The following MYRF variants were observed in gnomAD, a reference collection of about 807,000 sequenced individuals.
MYRF encodes myelin gene regulatory factor.
Under a neutral mutation model 126.3 loss-of-function variants are expected in MYRF, and 16 were observed. That is an observed-to-expected ratio of 0.13 (90% CI 0.09 to 0.19). The LOEUF (loss-of-function observed/expected upper bound fraction) is 0.19. Among genes scored for constraint, MYRF ranks in the 10% least tolerant of loss-of-function variants. MYRF has a pLI of 1.00. For missense variants in MYRF, 1,104 were observed against 1,547.0 expected (o/e 0.71, Z 4.80); for synonymous variants, 608 against 635.3 (o/e 0.96, Z 0.65).
intron 1 of MYRF, among the ~76,000 whole-genome samples, chr11:61,758,964 GTGTA>G (rs983147515): frequency 6.6e-6 from 1 of 152,246 alleles, no homozygotes; most frequent in Non-Finnish European, 1.5e-5. Context: ...TGTCAGTACT[GTGTA>G]TGTGTGAGTA....
chr11:61,769,443 C>T, intron 4 of MYRF, 122 bp downstream of exon 4: 2 of 737,862 alleles, frequency 2.7e-6, no homozygotes, highest in South Asian at 3.2e-5. Flanking sequence ...GAGATTATCG[C>T]TGGTCAAATA....
In MYRF at chr11:61,774,099, C is replaced by T. The variant is rs139188067; in HGVS notation, c.1248C>T (p.Tyr416=). 468 of 1,613,812 alleles carry T rather than the reference C, an allele frequency of 2.9e-4. No individual in the cohort carries two copies. The highest frequency in any genetic ancestry group is 3.7e-4 in the Non-Finnish European group (435 of 1,179,934). ...TCGGCATGCTGGGCGAGCCCAAGTA[C>T]GTCAAGACGCCCGAGGGCCTCAAGC... ...VYIGMLGEPK[Y]VKTPEGLKPL... is the part of the protein sequence containing the mutation. The change falls in exon 8 of 27, where the codon TAC becomes TAT. Residue 416 remains tyrosine, a synonymous_variant. Coordinates refer to ENST00000278836, the MANE Select transcript of MYRF (RefSeq NM_001127392.3).
Position 61,761,261 on chromosome 11 carries a change from G to GC in MYRF, c.47-4364_47-4363insC, listed in dbSNP as rs574113662. ...ACTCAGCCAACGGCCACAGCTGGTG[G>GC]GGGGGGGGGCACATAAGCACAAGGA... is the stretch of plus-strand genomic sequence containing the variant. On this transcript the variant is annotated intron_variant, in intron 1 of 26. Transcript: ENST00000278836. 5.4e-4 allele frequency among the ~76,000 whole-genome samples: 65 copies of GC among 120,922 alleles called. 2 individuals carry two copies. Among genetic ancestry groups the GC allele is most frequent in the Admixed American group, 2.3e-3 (28 of 12,020 alleles). 79.3% of individuals were successfully genotyped at this position (120,922 alleles called of 152,430 possible).
chr11:61,769,347 T>C (rs997325859), intron 4 of MYRF, 26 bp downstream of exon 4: 8 of 1,593,426 alleles, frequency 5.0e-6, no homozygotes, highest in Non-Finnish European at 6.9e-6. Flanking sequence ...ACCGCCCTCC[T>C]GCTCCAGGGT....
intron 22 of MYRF, 96 bp downstream of exon 22, chr11:61,781,920 A>C: frequency 7.2e-7 from 1 of 1,393,072 alleles, no homozygotes; most frequent in Non-Finnish European, 9.4e-7. Flanking sequence ...CTGGGTTCAG[A>C]CTTGTCAGTC....
chr11:61,781,101 GGGCTTCTCT>G, intron 20 of MYRF, 28 bp from the exon 21 acceptor site: 1 of 1,611,662 alleles, frequency 6.2e-7, no homozygotes, highest in Non-Finnish European at 8.5e-7. Context: ...TCTGTCTTTG[GGGCTTCTCT>G]GGCTCATACA....
Position 61,777,510 on chromosome 11 carries a change from G to C in MYRF, c.1791+46G>C. ...GCCGGGCGGGTCCAGACGCTGGAGCGGGCCGCGGGGGCGGGGCTCCTGGGG... is the reference window on the plus strand; with the variant it reads ...GCCGGGCGGGTCCAGACGCTGGAGCCGGCCGCGGGGGCGGGGCTCCTGGGG... On this transcript the variant is annotated intron_variant, in intron 12 of 26. Coordinates refer to ENST00000278836, the MANE Select transcript of MYRF (RefSeq NM_001127392.3). The surrounding 1 kb of genome is among the most constrained non-coding windows in gnomAD (Gnocchi z 8.8). The C allele has an allele frequency of 1.3e-6, 2 of 1,529,136 alleles. No homozygotes were observed. Among genetic ancestry groups the C allele is most frequent in the East Asian group, 2.5e-5 (1 of 40,696 alleles). The allele number at this position is 1,529,136 out of a possible 1,614,324, so 94.7% of individuals were successfully genotyped here. A position where few individuals can be genotyped will look rare whatever the true frequency, so the allele number is the denominator to read the frequency against.
chr11:61,757,081 A>C lies in MYRF; in HGVS notation c.46+4291A>C. ...CCGCCCTACCCAGGCAGCCTGCCTT[A>C]CCTTCCCACCTTCCTCTTCACGGAC... is the stretch of plus-strand genomic sequence containing the variant. On this transcript the variant is annotated intron_variant, in intron 1 of 26. Transcript: ENST00000278836. This position sits in a 1 kb window ranked among gnomAD's most constrained non-coding sequence, Gnocchi z 4.7. 1 of 436,122 alleles carries C rather than the reference A, an allele frequency of 2.3e-6. No homozygotes were observed. Among genetic ancestry groups the C allele is most frequent in the Non-Finnish European group, 4.7e-6 (1 of 212,276 alleles). The allele number at this position is 436,122 out of a possible 1,614,324, so 27.0% of individuals were successfully genotyped here.
chr11:61,772,530 G>T (rs2066256828), intron 7 of MYRF, among the ~76,000 whole-genome samples: 2 of 152,234 alleles, frequency 1.3e-5, no homozygotes, highest in Non-Finnish European at 1.5e-5. Flanking sequence ...CATGGAGTTG[G>T]GTGCTCCAGG....
At chr11:61,765,746 C>G (rs2066037534) in intron 2 of MYRF, 34 bp downstream of exon 2, 2 of 1,583,436 alleles carry the variant, frequency 1.3e-6, no homozygotes, top group East Asian at 4.6e-5. Context: ...TGCACCCGCC[C>G]AGCCCCAGCC....
Position 61,752,740 on chromosome 11 carries a change from G to A in MYRF, c.-5G>A. The stretch of plus-strand genomic sequence containing the variant: ...CGGCTGGAGTGTGCGCCGGGCAGGC[G>A]GGACATGGAGGTGGTGGACGAGACG... On this transcript the variant is annotated 5_prime_UTR_variant, in exon 1 of 27. Transcript: ENST00000278836. The A allele has an allele frequency of 1.4e-6, 2 of 1,460,132 alleles. No individual in the cohort carries two copies. Among genetic ancestry groups the A allele is most frequent in the Non-Finnish European group, 9.0e-7 (1 of 1,110,698 alleles). The allele number at this position is 1,460,132 out of a possible 1,614,324, so 90.4% of individuals were successfully genotyped here.
In MYRF at chr11:61,777,393, C is replaced by T. The variant is rs1266701580; in HGVS notation, c.1720C>T (p.His574Tyr). ...TDRPDEALVV[H>Y]GNVKVMGSLM... ...CCGGCCGGATGAGGCGCTGGTTGTG[C>T]ACGGGAATGTCAAGGTCATGGGCTC... is the stretch of plus-strand genomic sequence containing the variant. Residue 574 changes from histidine to tyrosine, a missense_variant, in exon 12 of 27, where the codon CAC becomes TAC. Transcript: ENST00000278836. The surrounding 1 kb of genome is among the most constrained non-coding windows in gnomAD (Gnocchi z 8.8). 6.2e-7 allele frequency: 1 copy of T among 1,613,906 alleles called. No individual in the cohort carries two copies. Among genetic ancestry groups the T allele is most frequent in the Non-Finnish European group, 8.5e-7 (1 of 1,180,016 alleles).
rs928434014 is a variant in MYRF at position 61,771,968 on chromosome 11, C to T, written c.1115+16C>T. On this transcript the variant is annotated intron_variant, in intron 7 of 26. Coordinates refer to ENST00000278836, the MANE Select transcript of MYRF (RefSeq NM_001127392.3). Reference sequence around the variant, plus strand: ...ACAAGGAGCTGTGAGTGCCCTACAACACTCCCCACTCCTCCAGGCCCCCCC... The same window carrying T: ...ACAAGGAGCTGTGAGTGCCCTACAATACTCCCCACTCCTCCAGGCCCCCCC... The T allele has an allele frequency of 3.1e-6, 5 of 1,613,212 alleles. No homozygotes were observed. The African/African-American group carries it at 5.3e-5, about 17-fold the overall frequency.
rs2066615453 is a variant in MYRF at position 61,783,719 on chromosome 11, C to A, written c.3119+119C>A. Reference sequence around the variant, plus strand: ...AGCCTCCCCCATAAGGAAGGGTAGCCCCTTTCCAGGCTACCCTTGGACACT... The same window carrying A: ...AGCCTCCCCCATAAGGAAGGGTAGCACCTTTCCAGGCTACCCTTGGACACT... On this transcript the variant is annotated intron_variant, in intron 23 of 26. Coordinates refer to ENST00000278836, the MANE Select transcript of MYRF (RefSeq NM_001127392.3). The surrounding 1 kb of genome is among the most constrained non-coding windows in gnomAD (Gnocchi z 4.6). 7.4e-7 allele frequency: 1 copy of A among 1,353,818 alleles called. No individual in the cohort carries two copies. Among genetic ancestry groups the A allele is most frequent in the Non-Finnish European group, 1.0e-6 (1 of 965,318 alleles). 83.9% of individuals were successfully genotyped at this position (1,353,818 alleles called of 1,614,324 possible).
rs769143992 is a variant in MYRF, at chr11:61,757,249, A to G, written c.46+4459A>G. The G allele has an allele frequency of 2.2e-6, 1 of 456,448 alleles. No homozygotes were observed. The highest frequency in any genetic ancestry group is 4.4e-6 in the Non-Finnish European group (1 of 226,856). 28.3% of individuals were successfully genotyped at this position (456,448 alleles called of 1,614,324 possible). ...GTTGGGTCTCGGGGTAGGATGATGT[A>G]ATGGTTCTGTGCATTCGCCAGCGAG... On this transcript the variant is annotated intron_variant, in intron 1 of 26. Coordinates refer to ENST00000278836, the MANE Select transcript of MYRF (RefSeq NM_001127392.3). The surrounding 1 kb of genome is among the most constrained non-coding windows in gnomAD (Gnocchi z 4.7).
chr11:61,773,495 C>T (rs1330187985), intron 7 of MYRF, among the ~76,000 whole-genome samples: 1 of 152,194 alleles, frequency 6.6e-6, no homozygotes, highest in Non-Finnish European at 1.5e-5. Context: ...TGGGCAGGGG[C>T]TGGGTCTGCA....
intron 1 of MYRF, among the ~76,000 whole-genome samples, chr11:61,760,122 C>T (rs941612397): frequency 6.6e-6 from 1 of 152,092 alleles, no homozygotes; most frequent in Admixed American, 6.5e-5. Context: ...GCACGTGCCA[C>T]CATGCCTGGC....
chr11:61,770,137 G>T (rs1242909160), intron 4 of MYRF, 109 bp from the exon 5 acceptor site: 1 of 1,147,168 alleles, frequency 8.7e-7, no homozygotes, highest in South Asian at 1.6e-5. Flanking sequence ...CAGCCCCCGG[G>T]CTTGGCTCAG....
rs1390815506 is a variant in MYRF at position 61,765,301 on chromosome 11, A to G, written c.47-324A>G. On this transcript the variant is annotated intron_variant, in intron 1 of 26. Coordinates refer to ENST00000278836, the MANE Select transcript of MYRF (RefSeq NM_001127392.3). Reference sequence around the variant, plus strand: ...GTGACCCCATTTGACAGATTAGTGGAAAGGACTTGTTCCCTGTCACACAGC... The same window carrying G: ...GTGACCCCATTTGACAGATTAGTGGGAAGGACTTGTTCCCTGTCACACAGC... Among the ~76,000 whole-genome samples the G allele has an allele frequency of 2.6e-5, 4 of 152,360 alleles. No individual in the cohort carries two copies. In the East Asian group the frequency reaches 7.7e-4, roughly 29 times the overall value.
Sources: allele counts gnomAD v4.1 joint callset (sites outside exome capture counted in the v4.1 genomes callset), GRCh38; gene constraint gnomAD v4.1.1; non-coding constraint Gnocchi (gnomAD v3.1); transcripts MANE v1.5; gene names NCBI Gene and HGNC (gene_info 2026-07-23, HGNC 2026-07-21).